GFM1: variants seen among roughly 807,000 people sequenced by gnomAD.
The protein encoded by GFM1 is G elongation factor mitochondrial 1.
In GFM1, 62 loss-of-function variants were observed where a neutral mutation model predicts 96.2. The ratio of observed to expected loss-of-function variants is 0.64; its 90% CI spans 0.53 to 0.80. The LOEUF (loss-of-function observed/expected upper bound fraction) is 0.80, where lower values mean the gene tolerates loss of function less well. GFM1 is among the 30% of genes least tolerant of loss of function. The pLI is 0.00. For synonymous variants in GFM1, 282 were observed against 312.9 expected (o/e 0.90, Z 1.04); for missense variants, 852 against 916.6 (o/e 0.93, Z 0.91).
intron 11 of GFM1, among the ~76,000 whole-genome samples, chr3:158,664,519 C>G (rs1326720486): frequency 6.6e-6 from 1 of 152,170 alleles, no homozygotes; most frequent in Non-Finnish European, 1.5e-5. Flanking sequence ...CTTGTGGCCC[C>G]CTGCCTCCAT....
intron 5 of GFM1, 87 bp downstream of exon 5, chr3:158,649,244 ACTAT>A (rs1456333295): frequency 1.3e-5 from 9 of 700,062 alleles, no homozygotes; most frequent in Non-Finnish European, 2.3e-5. Flanking sequence ...ACGCAGAGTA[ACTAT>A]CTTTTTGAAA....
intron 15 of GFM1, among the ~76,000 whole-genome samples, chr3:158,689,939 A>G (rs1366211119): frequency 6.6e-6 from 1 of 152,162 alleles, no homozygotes; most frequent in Non-Finnish European, 1.5e-5. Context: ...TAAGGATAAA[A>G]ATATGATAAT....
chr3:158,660,911 T>C lies in GFM1; in HGVS notation c.1259T>C (p.Leu420Ser). ...GTATATGCCGGAGACATCTGTGCAT[T>C]GTTTGGCATTGACTGTGCTAGTGGA... ...EEVYAGDICA[L>S]FGIDCASGDT... The change falls in exon 10 of 18, where the codon TTG becomes TCG. Residue 420 changes from leucine to serine, a missense_variant. Transcript: ENST00000486715. The C allele has an allele frequency of 6.2e-7, 1 of 1,614,154 alleles. No individual in the cohort carries two copies. Among genetic ancestry groups the C allele is most frequent in the Middle Eastern group, 1.7e-4 (1 of 6,052 alleles).
At chr3:158,686,396 A>AT (rs967337799) in intron 15 of GFM1, among the ~76,000 whole-genome samples, 19 of 113,090 alleles carry the variant, frequency 1.7e-4, no homozygotes, top group African/African-American at 6.7e-4. Flanking sequence ...CATTTTATAT[A>AT]TAAAAAAATA....
At chr3:158,676,129 T>C (rs1438908528) in intron 13 of GFM1, among the ~76,000 whole-genome samples, 2 of 152,052 alleles carry the variant, frequency 1.3e-5, no homozygotes, top group African/African-American at 2.4e-5. Context: ...ATTAGCCAGA[T>C]GTGATAGCAT....
At chr3:158,654,121 T>C (rs1722534085) in intron 7 of GFM1, among the ~76,000 whole-genome samples, 1 of 152,036 alleles carries the variant, frequency 6.6e-6, no homozygotes, top group Admixed American at 6.5e-5. Flanking sequence ...ATGTTTTCTT[T>C]TCTTTCCCTA....
Position 158,695,407 on chromosome 3 carries a change from A to T in GFM1, c.*3940A>T, listed in dbSNP as rs1419516815. ...TCTGTCTCAAAAAAAAAAGAAAAAA[A>T]AGAAAAGATGTTCTGATGGTGATAC... On this transcript the variant is annotated 3_prime_UTR_variant, in exon 18 of 18. Coordinates refer to ENST00000486715, the MANE Select transcript of GFM1 (RefSeq NM_024996.7). The T allele has an allele frequency of 1.3e-5, 2 of 152,236 alleles. No homozygotes were observed. Among genetic ancestry groups the T allele is most frequent in the African/African-American group, 2.4e-5 (1 of 41,458 alleles). The allele number at this position is 152,236 out of a possible 1,614,324, so 9.4% of individuals were successfully genotyped here. A position where few individuals can be genotyped will look rare whatever the true frequency, so the allele number is the denominator to read the frequency against.
intron 15 of GFM1, among the ~76,000 whole-genome samples, chr3:158,685,986 T>C (rs1725802181): frequency 1.3e-5 from 2 of 151,996 alleles, no homozygotes; most frequent in African/African-American, 2.4e-5. Context: ...TTCCTGGAAA[T>C]AGAGGTTACA....
At chr3:158,645,809 A>T in intron 2 of GFM1, 28 bp downstream of exon 2, 3 of 1,569,218 alleles carry the variant, frequency 1.9e-6, no homozygotes, top group Non-Finnish European at 2.6e-6. Flanking sequence ...ATTCCGGATT[A>T]ATTAGAACCA....
rs200021723 is a variant in GFM1, at chr3:158,691,286, A to G, written c.2125-50A>G. Reference sequence around the variant, plus strand: ...TTGTATGACTTTTACTTGATAGTTTAAAAAACAAACAAACAAACAAAAAAC... The same window carrying G: ...TTGTATGACTTTTACTTGATAGTTTGAAAAACAAACAAACAAACAAAAAAC... On this transcript the variant is annotated intron_variant, in intron 17 of 17. Coordinates refer to ENST00000486715, the MANE Select transcript of GFM1 (RefSeq NM_024996.7). 226 of 1,602,014 alleles carry G rather than the reference A, an allele frequency of 1.4e-4. No individual in the cohort carries two copies. The African/African-American group carries it at 2.8e-3, about 20-fold the overall frequency.
chr3:158,679,145 G>GT (rs1186542883), intron 13 of GFM1, among the ~76,000 whole-genome samples: 3 of 152,214 alleles, frequency 2.0e-5, no homozygotes, highest in African/African-American at 7.2e-5. Context: ...TGATGCTGAT[G>GT]TTTCAGCTGA....
Position 158,691,479 on chromosome 3 carries a change from G to C in GFM1, c.*12G>C. ...AAGCCAAGAACTAACTTTGCTTACT[G>C]TGAGTTGACTGACTCTAATTGAATC... On this transcript the variant is annotated 3_prime_UTR_variant, in exon 18 of 18. Transcript: ENST00000486715. 1.2e-6 allele frequency: 2 copies of C among 1,612,954 alleles called. No individual in the cohort carries two copies. The highest frequency in any genetic ancestry group is 1.7e-6 in the Non-Finnish European group (2 of 1,179,450).
chr3:158,646,974 G>A lies in GFM1; in HGVS notation c.572+27G>A, dbSNP rs1335125985. 2.6e-6 allele frequency: 4 copies of A among 1,561,438 alleles called. No homozygotes were observed. In the Admixed American group the frequency reaches 6.7e-5, roughly 26 times the overall value. ...TAATGAGCCTTAGAATAAACAAAGA[G>A]GATGTGATGATCTAGACAGCAAACC... On this transcript the variant is annotated intron_variant, in intron 4 of 17. Coordinates refer to ENST00000486715, the MANE Select transcript of GFM1 (RefSeq NM_024996.7).
rs552043943 is a variant in GFM1 at position 158,675,179 on chromosome 3, C to T, written c.1602-6816C>T. Among the ~76,000 whole-genome samples the T allele has an allele frequency of 1.1e-4, 16 of 148,454 alleles. 1 individual carries two copies. Among genetic ancestry groups the T allele is most frequent in the Admixed American group, 1.4e-4 (2 of 14,612 alleles). ...GCGGGCGCCTGTAATCCCAGCTACT[C>T]GGGAGGCTGAGGCAGGGAACTGCTT... On this transcript the variant is annotated intron_variant, in intron 13 of 17. Transcript: ENST00000486715.
At chr3:158,652,047 A>G (rs1403398016) in intron 5 of GFM1, 49 bp from the exon 6 acceptor site, 2 of 1,499,036 alleles carry the variant, frequency 1.3e-6, no homozygotes, top group Middle Eastern at 1.7e-4. Context: ...TTAGTCCTTC[A>G]TATATTAAGT....
chr3:158,659,508 G>T (rs1723025343), intron 9 of GFM1, among the ~76,000 whole-genome samples: 1 of 152,172 alleles, frequency 6.6e-6, no homozygotes, highest in South Asian at 2.1e-4. Context: ...TAACCCTAGA[G>T]CTTCTATTCC....
intron 7 of GFM1, 69 bp downstream of exon 7, chr3:158,653,536 T>A: frequency 1.8e-6 from 2 of 1,137,452 alleles, no homozygotes; most frequent in East Asian, 2.4e-5. Flanking sequence ...TGAAGGAATT[T>A]AAGGATAGTT....
rs1269346379 is a variant in GFM1 at position 158,695,567 on chromosome 3, A to G, written c.*4100A>G. On this transcript the variant is annotated 3_prime_UTR_variant, in exon 18 of 18. Coordinates refer to ENST00000486715, the MANE Select transcript of GFM1 (RefSeq NM_024996.7). ...ACTGTAATAAATCTGCTAAAAGGTT[A>G]CCTTAGAAACATTACCTGGTTGGAT... The G allele has an allele frequency of 6.6e-6, 1 of 152,172 alleles. No homozygotes were observed. The highest frequency in any genetic ancestry group is 1.5e-5 in the Non-Finnish European group (1 of 68,042). 9.4% of individuals were successfully genotyped at this position (152,172 alleles called of 1,614,324 possible). A position where few individuals can be genotyped will look rare whatever the true frequency, so the allele number is the denominator to read the frequency against.
At chr3:158,679,448 TTTTAA>T (rs1276443742) in intron 13 of GFM1, among the ~76,000 whole-genome samples, 30 of 152,096 alleles carry the variant, frequency 2.0e-4, no homozygotes, top group African/African-American at 6.5e-4. Context: ...CCTCAAACTG[TTTTAA>T]TTTATTTATA....
Sources: allele counts gnomAD v4.1 joint callset (sites outside exome capture counted in the v4.1 genomes callset), GRCh38; gene constraint gnomAD v4.1.1; transcripts MANE v1.5; gene names NCBI Gene and HGNC (gene_info 2026-07-23, HGNC 2026-07-21).